Variants in PARD3B observed in about 807,000 individuals in gnomAD.
PARD3B encodes the protein par-3 family cell polarity regulator beta, also known as partitioning defective 3 homolog B.
A neutral mutation model predicts 130.2 loss-of-function variants in PARD3B; 103 were observed. That is an observed-to-expected ratio of 0.79 (90% CI 0.67 to 0.93). The LOEUF (loss-of-function observed/expected upper bound fraction) is 0.93. Among genes scored for constraint, PARD3B ranks in the 40% least tolerant of loss-of-function variants. The pLI is 0.00. For synonymous variants in PARD3B, 583 were observed against 553.2 expected (o/e 1.05, Z -0.76); for missense variants, 1,609 against 1,499.2 (o/e 1.07, Z -1.21).
chr2:204,551,488 G>A (rs1047400993), intron 1 of PARD3B, among the ~76,000 whole-genome samples: 10 of 152,140 alleles, frequency 6.6e-5, no homozygotes, highest in African/African-American at 2.2e-4. Flanking sequence ...ATTCATGGTT[G>A]CTATTTGGCC....
intron 22 of PARD3B, among the ~76,000 whole-genome samples, chr2:205,611,179 G>C (rs1410354906): frequency 6.6e-6 from 1 of 152,194 alleles, no homozygotes; most frequent in Non-Finnish European, 1.5e-5. Context: ...GAGGGTGGTG[G>C]TGTAGACATA....
intron 2 of PARD3B, among the ~76,000 whole-genome samples, chr2:204,913,551 C>T (rs890753465): frequency 6.6e-6 from 1 of 152,168 alleles, no homozygotes; most frequent in Non-Finnish European, 1.5e-5. Context: ...AGACTTCTGT[C>T]TCATGGTAGT....
intron 15 of PARD3B, among the ~76,000 whole-genome samples, chr2:205,238,863 T>A (rs1309802807): frequency 6.2e-5 from 6 of 97,364 alleles, no homozygotes; most frequent in African/African-American, 2.1e-4. Context: ...TATATATATA[T>A]ATATATATAT....
chr2:205,095,418 T>C (rs935928223), intron 4 of PARD3B, among the ~76,000 whole-genome samples: 3 of 152,170 alleles, frequency 2.0e-5, no homozygotes, highest in Non-Finnish European at 2.9e-5. Flanking sequence ...GTTGCAGAAT[T>C]ACTTTGTTGA....
chr2:205,543,416 C>G (rs569989891), intron 21 of PARD3B, among the ~76,000 whole-genome samples: 10 of 152,278 alleles, frequency 6.6e-5, no homozygotes, highest in Non-Finnish European at 1.3e-4. Flanking sequence ...GACCACAAAC[C>G]ACTGAGAATA....
chr2:204,889,428 C>T (rs926717441), intron 2 of PARD3B, among the ~76,000 whole-genome samples: 2 of 152,156 alleles, frequency 1.3e-5, no homozygotes, highest in African/African-American at 2.4e-5. Flanking sequence ...GTTACATTTG[C>T]AGGGCCCAAT....
chr2:205,535,002 A>C (rs1000837627), intron 21 of PARD3B, among the ~76,000 whole-genome samples: 1 of 152,114 alleles, frequency 6.6e-6, no homozygotes, highest in African/African-American at 2.4e-5. Flanking sequence ...ATCGGGACAC[A>C]TGAGTTTCCA....
chr2:204,648,610 TTA>T (rs1380717761), intron 1 of PARD3B, among the ~76,000 whole-genome samples: 1 of 125,544 alleles, frequency 8.0e-6, no homozygotes, highest in Non-Finnish European at 1.6e-5. Context: ...ATATTTATAT[TTA>T]TATATACTAT....
chr2:204,809,265 A>G (rs2042880848), intron 2 of PARD3B, among the ~76,000 whole-genome samples: 1 of 152,082 alleles, frequency 6.6e-6, no homozygotes, highest in Non-Finnish European at 1.5e-5. Context: ...TGCTGTTAGA[A>G]GCACTTAAGT....
At chr2:205,532,192 GCTTA>G (rs1214982182) in intron 21 of PARD3B, among the ~76,000 whole-genome samples, 6 of 152,120 alleles carry the variant, frequency 3.9e-5, no homozygotes, top group South Asian at 2.1e-4. Context: ...TAGAAGCAGT[GCTTA>G]CTTCTTCATC....
chr2:204,773,470 T>G (rs1004240271), intron 2 of PARD3B, among the ~76,000 whole-genome samples: 3 of 152,158 alleles, frequency 2.0e-5, no homozygotes, highest in African/African-American at 7.2e-5. Context: ...CATTTTCCAT[T>G]TGTTGCATTT....
At chr2:204,948,542 C>A (rs1689515541) in intron 2 of PARD3B, among the ~76,000 whole-genome samples, 2 of 152,106 alleles carry the variant, frequency 1.3e-5, no homozygotes, top group Admixed American at 1.3e-4. Context: ...CCAGTTCTGA[C>A]CACATTTAAA....
At position 204,898,064 on chromosome 2, in the gene PARD3B, C is replaced by T. The variant is rs536728345; in HGVS notation, c.223-67088C>T. Among the ~76,000 whole-genome samples, 4 of 151,596 alleles carry T rather than the reference C, an allele frequency of 2.6e-5. No individual in the cohort carries two copies. In the East Asian group the frequency reaches 5.8e-4, roughly 22 times the overall value. ...GTTATAAATGTACTTCACACCAATACACTGTATACTTTAAAATGGTTGAAA... is the reference window on the plus strand; with the variant it reads ...GTTATAAATGTACTTCACACCAATATACTGTATACTTTAAAATGGTTGAAA... On this transcript the variant is annotated intron_variant, in intron 2 of 22. Transcript: ENST00000406610.
chr2:205,614,691 A>C (rs2105803454), intron 22 of PARD3B, among the ~76,000 whole-genome samples: 1 of 151,542 alleles, frequency 6.6e-6, no homozygotes, highest in Non-Finnish European at 1.5e-5. Context: ...GGGTGACAGA[A>C]TGAGACTCCC....
chr2:204,981,721 G>C (rs1380339224), intron 3 of PARD3B, among the ~76,000 whole-genome samples: 1 of 152,118 alleles, frequency 6.6e-6, no homozygotes, highest in Non-Finnish European at 1.5e-5. Flanking sequence ...TTTTTATATA[G>C]TATGTTAGAA....
chr2:204,566,472 A>G (rs913175726), intron 1 of PARD3B, among the ~76,000 whole-genome samples: 13 of 152,188 alleles, frequency 8.5e-5, no homozygotes, highest in Non-Finnish European at 4.4e-5. Context: ...GCAGTATGAT[A>G]CCCTATAAGG....
At chr2:205,046,501 A>G in intron 3 of PARD3B, among the ~76,000 whole-genome samples, 2 of 150,470 alleles carry the variant, frequency 1.3e-5, no homozygotes, top group Middle Eastern at 6.8e-3. Context: ...TTTTTTTAAG[A>G]AAAGGAAGTT....
intron 21 of PARD3B, among the ~76,000 whole-genome samples, chr2:205,549,732 C>T (rs1196181360): frequency 6.6e-6 from 1 of 152,134 alleles, no homozygotes; most frequent in Admixed American, 6.6e-5. Flanking sequence ...TTTGTCCAAA[C>T]CCATAGAATG....
At chr2:205,221,575 G>A (rs114511748) in intron 15 of PARD3B, among the ~76,000 whole-genome samples, 1,641 of 152,214 alleles carry the variant, frequency 0.011, 23 homozygotes, top group African/African-American at 0.036. Flanking sequence ...CTGTTGGCCT[G>A]ATCCTACACT....
Sources: gnomAD v4.1 joint callset for allele counts (sites outside exome capture counted in the v4.1 genomes callset) on GRCh38, gnomAD v4.1.1 for gene constraint, MANE v1.5 for transcripts, NCBI Gene and HGNC (gene_info 2026-07-23, HGNC 2026-07-21) for gene names.